The following NCAM1 variants were observed in gnomAD, a reference collection of about 807,000 sequenced individuals.
The protein encoded by NCAM1 is antigen recognized by monoclonal antibody 5.1H11.
In NCAM1, 14 loss-of-function variants were observed where a neutral mutation model predicts 109.8. The ratio of observed to expected loss-of-function variants is 0.13; its 90% CI spans 0.08 to 0.20. The LOEUF (loss-of-function observed/expected upper bound fraction) is 0.20, where lower values mean the gene tolerates loss of function less well. Ranked by LOEUF, NCAM1 falls within the 10% of genes least tolerant of loss-of-function variation. The pLI is 1.00. For missense variants in NCAM1, 774 were observed against 1,109.9 expected (o/e 0.70, Z 4.30); for synonymous variants, 418 against 442.9 (o/e 0.94, Z 0.70).
At chr11:113,090,662 G>C (rs1939302850) in intron 1 of NCAM1, among the ~76,000 whole-genome samples, 1 of 152,204 alleles carries the variant, frequency 6.6e-6, no homozygotes, top group South Asian at 2.1e-4. Flanking sequence ...GCCCAAGTAT[G>C]CTAGAGGGAA....
chr11:113,134,691 G>A (rs1555099054), intron 1 of NCAM1, among the ~76,000 whole-genome samples: 1 of 152,146 alleles, frequency 6.6e-6, no homozygotes, highest in Non-Finnish European at 1.5e-5. Flanking sequence ...GCAGAAGGCT[G>A]TGGAAGCACA....
chr11:113,166,758 C>T (rs561472855), intron 1 of NCAM1, among the ~76,000 whole-genome samples: 101 of 151,898 alleles, frequency 6.6e-4, no homozygotes, highest in Non-Finnish European at 1.3e-3. Flanking sequence ...GTTGTCACTG[C>T]GACACACACA....
chr11:113,027,275 A>G (rs541726962), intron 1 of NCAM1, among the ~76,000 whole-genome samples: 1 of 152,258 alleles, frequency 6.6e-6, no homozygotes, highest in Non-Finnish European at 1.5e-5. Flanking sequence ...TAAAGAGTAT[A>G]TAAAATATGT....
chr11:113,083,681 A>G (rs1206026325), intron 1 of NCAM1, among the ~76,000 whole-genome samples: 2 of 152,186 alleles, frequency 1.3e-5, no homozygotes, highest in Non-Finnish European at 2.9e-5. Flanking sequence ...CGGTCCCCCA[A>G]GAATCTTGTT....
intron 1 of NCAM1, among the ~76,000 whole-genome samples, chr11:113,012,043 G>A (rs1555074561): frequency 7.6e-6 from 1 of 131,666 alleles, no homozygotes; most frequent in East Asian, 2.3e-4. Flanking sequence ...TTTGGTGTGT[G>A]ACAGATTCTC....
At chr11:113,042,537 T>C (rs571640033) in intron 1 of NCAM1, among the ~76,000 whole-genome samples, 1 of 152,310 alleles carries the variant, frequency 6.6e-6, no homozygotes, top group Non-Finnish European at 1.5e-5. Flanking sequence ...TCTTTCCTCC[T>C]GTCCTCATTG....
At chr11:113,138,473 C>T (rs886700208) in intron 1 of NCAM1, among the ~76,000 whole-genome samples, 6 of 152,204 alleles carry the variant, frequency 3.9e-5, no homozygotes, top group African/African-American at 1.2e-4. Context: ...GCAAGAATGA[C>T]GGCCCCGTCA....
At chr11:113,003,881 A>T (rs7127712) in intron 1 of NCAM1, 68,639 of 152,116 alleles carry the variant, frequency 0.45, 16,361 homozygotes, top group East Asian at 0.8. Context: ...CCACTTTTAC[A>T]CATGTATTTA....
chr11:113,178,160 C>T (rs923316204), intron 1 of NCAM1, among the ~76,000 whole-genome samples: 30 of 152,198 alleles, frequency 2.0e-4, no homozygotes, highest in African/African-American at 6.5e-4. Context: ...CCCCATTCTC[C>T]GGGTGCTTCC....
At chr11:112,972,556 G>A (rs1950910659) in intron 1 of NCAM1, among the ~76,000 whole-genome samples, 1 of 152,046 alleles carries the variant, frequency 6.6e-6, no homozygotes, top group South Asian at 2.1e-4. Context: ...GTTAAAAAAC[G>A]TCTTTCACTC....
intron 9 of NCAM1, among the ~76,000 whole-genome samples, chr11:113,224,005 G>C (rs567917985): frequency 6.6e-6 from 1 of 152,332 alleles, no homozygotes; most frequent in South Asian, 2.1e-4. Context: ...CCCAGCATGA[G>C]CGACGCAGAA....
chr11:113,085,710 G>T (rs1309985287), intron 1 of NCAM1, among the ~76,000 whole-genome samples: 1 of 152,094 alleles, frequency 6.6e-6, no homozygotes, highest in Non-Finnish European at 1.5e-5. Context: ...CTGCTGCTCT[G>T]CTGCTTGGTT....
chr11:113,112,335 G>T lies in NCAM1; in HGVS notation c.53-90044G>T, dbSNP rs77841931. ...TAATGAATGTTATTTCCTTTAAAAG[G>T]CACAATAAATATTTTCCTTCTGACC... On this transcript the variant is annotated intron_variant, in intron 1 of 19. Coordinates refer to ENST00000316851, the MANE Select transcript of NCAM1 (RefSeq NM_181351.5). Among the ~76,000 whole-genome samples, 1,476 of 152,136 alleles carry T rather than the reference G, an allele frequency of 9.7e-3. 24 individuals carry two copies. The highest frequency in any genetic ancestry group is 0.033 in the African/African-American group (1,373 of 41,498).
rs148136990 is a variant in NCAM1 at position 113,207,245 on chromosome 11, C to G, written c.629-16C>G. The G allele has an allele frequency of 1.2e-6, 2 of 1,608,984 alleles. No individual in the cohort carries two copies. Among genetic ancestry groups the G allele is most frequent in the African/African-American group, 1.3e-5 (1 of 74,906 alleles). ...AAATTTTCACAACCACCCCATGACA[C>G]CCTTTTTTCCTTCAGTGCCACCTAC... is the stretch of plus-strand genomic sequence containing the variant. On this transcript the variant is annotated splice_polypyrimidine_tract_variant and intron_variant, in intron 5 of 19. Coordinates refer to ENST00000316851, the MANE Select transcript of NCAM1 (RefSeq NM_181351.5).
At chr11:113,189,979 A>G (rs1555109551) in intron 1 of NCAM1, among the ~76,000 whole-genome samples, 1 of 151,984 alleles carries the variant, frequency 6.6e-6, no homozygotes, top group Non-Finnish European at 1.5e-5. Context: ...TATTCTGGGC[A>G]GGAAGACAGG....
At chr11:113,037,235 C>G (rs1318291175) in intron 1 of NCAM1, among the ~76,000 whole-genome samples, 3 of 152,174 alleles carry the variant, frequency 2.0e-5, no homozygotes, top group Admixed American at 1.3e-4. Context: ...TTATTATCAG[C>G]CACCTTTTTA....
intron 15 of NCAM1, among the ~76,000 whole-genome samples, chr11:113,250,180 C>T (rs1945631466): frequency 6.6e-6 from 1 of 151,936 alleles, no homozygotes; most frequent in African/African-American, 2.4e-5. Context: ...AAATTAATAC[C>T]CACTCTTACA....
intron 1 of NCAM1, among the ~76,000 whole-genome samples, chr11:113,006,190 C>T (rs561907442): frequency 5.9e-5 from 9 of 152,148 alleles, no homozygotes; most frequent in Non-Finnish European, 1.0e-4. Flanking sequence ...CATATTTTCA[C>T]GCACAAGAGT....
At chr11:112,986,455 T>C (rs1388033176) in intron 1 of NCAM1, among the ~76,000 whole-genome samples, 3 of 152,030 alleles carry the variant, frequency 2.0e-5, no homozygotes, top group African/African-American at 4.8e-5. Flanking sequence ...CCTTCCTCTT[T>C]AACTTTTTGG....
Sources: allele counts gnomAD v4.1 joint callset (sites outside exome capture counted in the v4.1 genomes callset), GRCh38; gene constraint gnomAD v4.1.1; transcripts MANE v1.5; gene names NCBI Gene and HGNC (gene_info 2026-07-23, HGNC 2026-07-21).